The following FAM78B variants were observed in gnomAD, a reference collection of about 807,000 sequenced individuals.
The protein encoded by FAM78B is family with sequence similarity 78 member B.
FAM78B carries 10 observed loss-of-function variants against 20.0 expected under a neutral mutation model. The observed-to-expected ratio is 0.50, with a 90% CI of 0.31 to 0.85. FAM78B has a LOEUF of 0.85. Among genes scored for constraint, FAM78B ranks in the 40% least tolerant of loss-of-function variants. FAM78B has a pLI of 0.05. For synonymous variants in FAM78B, 135 were observed against 132.8 expected, an observed-to-expected ratio of 1.02 and a Z score of -0.12; for missense variants, 283 against 345.0, an observed-to-expected ratio of 0.82 and a Z score of 1.42.
At chr1:166,123,588 C>T (rs1654539373) in intron 1 of FAM78B, among the ~76,000 whole-genome samples, 3 of 152,214 alleles carry the variant, frequency 2.0e-5, no homozygotes. Context: ...CTAGTCAGGA[C>T]TTTTTCATTT....
At chr1:166,118,605 TTGAC>T (rs548507202) in intron 1 of FAM78B, among the ~76,000 whole-genome samples, 15 of 152,148 alleles carry the variant, frequency 9.9e-5, no homozygotes, top group Non-Finnish European at 1.8e-4. Flanking sequence ...TATATTCTCT[TTGAC>T]TGTTTTCAGG....
chr1:166,064,138 G>A (rs933592669), intron 2 of FAM78B, among the ~76,000 whole-genome samples: 13 of 152,156 alleles, frequency 8.5e-5, no homozygotes, highest in South Asian at 4.1e-4. Flanking sequence ...GGGCTGCCTC[G>A]GGCAGGTGCA....
intron 1 of FAM78B, among the ~76,000 whole-genome samples, chr1:166,145,000 T>C (rs1655407158): frequency 6.6e-6 from 1 of 152,230 alleles, no homozygotes; most frequent in South Asian, 2.1e-4. Context: ...CCTACCAGAC[T>C]TGACTATCAT....
chr1:166,165,920 G>C (rs956323894), intron 1 of FAM78B, 66 bp downstream of exon 1: 2 of 1,595,356 alleles, frequency 1.3e-6, no homozygotes, highest in Non-Finnish European at 1.7e-6. Flanking sequence ...TGGGGAGGGG[G>C]GTCAAGGTGG....
intron 1 of FAM78B, among the ~76,000 whole-genome samples, chr1:166,120,942 A>G (rs544358871): frequency 1.9e-4 from 29 of 152,368 alleles, no homozygotes; most frequent in African/African-American, 7.2e-5. Context: ...AAGTGTGAAC[A>G]TAAGTCAATA....
chr1:166,095,025 ACAGGTCTGATGCT>A (rs1422877934), intron 1 of FAM78B, among the ~76,000 whole-genome samples: 2 of 152,182 alleles, frequency 1.3e-5, no homozygotes, highest in Non-Finnish European at 2.9e-5. Context: ...GGCTGAGCTG[ACAGGTCTGATGCT>A]CAGGACACTT....
chr1:166,096,540 T>C (rs1000715882), intron 1 of FAM78B, among the ~76,000 whole-genome samples: 1 of 152,252 alleles, frequency 6.6e-6, no homozygotes, highest in African/African-American at 2.4e-5. Flanking sequence ...ATAGATCTCA[T>C]TCCTGGTTCT....
chr1:166,087,319 C>T (rs1024088103), intron 1 of FAM78B: 2 of 152,092 alleles, frequency 1.3e-5, no homozygotes, highest in African/African-American at 4.8e-5. Context: ...TGCCTCAGCT[C>T]CCCAAAATGC....
intron 1 of FAM78B, among the ~76,000 whole-genome samples, chr1:166,100,327 G>C (rs1406691536): frequency 6.6e-6 from 1 of 152,198 alleles, no homozygotes; most frequent in African/African-American, 2.4e-5. Flanking sequence ...TCTCATTGGG[G>C]ATTGTCAGAC....
chr1:166,094,918 C>A (rs1198915825), intron 1 of FAM78B, among the ~76,000 whole-genome samples: 1 of 152,092 alleles, frequency 6.6e-6, no homozygotes, highest in Admixed American at 6.6e-5. Context: ...TCAGAATGAC[C>A]CTTCTGCCTA....
At chr1:166,074,136 G>A (rs1041545059) in intron 1 of FAM78B, among the ~76,000 whole-genome samples, 3 of 152,142 alleles carry the variant, frequency 2.0e-5, no homozygotes, top group Non-Finnish European at 4.4e-5. Context: ...ATCCTTCCAA[G>A]GCTTTTCTAT....
At chr1:166,112,712 T>C (rs1484639558) in intron 1 of FAM78B, among the ~76,000 whole-genome samples, 1 of 152,216 alleles carries the variant, frequency 6.6e-6, no homozygotes, top group South Asian at 2.1e-4. Flanking sequence ...GATGGAGATA[T>C]GGCAGCAAGG....
intron 1 of FAM78B, among the ~76,000 whole-genome samples, chr1:166,130,368 G>A (rs546807861): frequency 1.3e-5 from 2 of 152,322 alleles, no homozygotes; most frequent in South Asian, 4.1e-4. Context: ...GAGAAGACTG[G>A]AATGCCAGAG....
intron 1 of FAM78B, among the ~76,000 whole-genome samples, chr1:166,123,147 G>C (rs939330884): frequency 2.0e-5 from 3 of 152,236 alleles, no homozygotes; most frequent in African/African-American, 4.8e-5. Flanking sequence ...GGCTTTGGTT[G>C]CAAGTGGAGA....
intron 1 of FAM78B, among the ~76,000 whole-genome samples, chr1:166,104,032 T>C (rs1441234294): frequency 6.6e-6 from 1 of 152,208 alleles, no homozygotes; most frequent in Admixed American, 6.5e-5. Context: ...ATCCCTGGGA[T>C]GCAAGGCTGG....
At chr1:166,084,238 C>CAG (rs59324558) in intron 1 of FAM78B, among the ~76,000 whole-genome samples, 1 of 62,908 alleles carries the variant, frequency 1.6e-5, no homozygotes, top group Non-Finnish European at 3.8e-5. Context: ...CACACACACA[C>CAG]TCTCTCTCTC....
At chr1:166,116,820 C>G (rs551360893) in intron 1 of FAM78B, among the ~76,000 whole-genome samples, 29 of 152,262 alleles carry the variant, frequency 1.9e-4, no homozygotes, top group African/African-American at 7.0e-4. Context: ...CTTGAGCATC[C>G]CTTTGGCCTC....
intron 1 of FAM78B, among the ~76,000 whole-genome samples, chr1:166,140,258 G>A (rs1234923764): frequency 5.9e-5 from 9 of 152,242 alleles, no homozygotes; most frequent in Non-Finnish European, 1.3e-4. Flanking sequence ...GCTTCTAAGC[G>A]TCCTGGAGAA....
At chr1:166,129,230 T>C (rs981133966) in intron 1 of FAM78B, among the ~76,000 whole-genome samples, 2 of 152,230 alleles carry the variant, frequency 1.3e-5, no homozygotes, top group African/African-American at 4.8e-5. Context: ...GTTAGAATAT[T>C]AGGAAAAAGC....
Sources: gnomAD v4.1 joint callset for allele counts (sites outside exome capture counted in the v4.1 genomes callset) on GRCh38, gnomAD v4.1.1 for gene constraint, MANE v1.5 for transcripts, NCBI Gene and HGNC (gene_info 2026-07-23, HGNC 2026-07-21) for gene names.